The following EIF4E variants were observed in gnomAD, a reference collection of about 807,000 sequenced individuals.
The protein encoded by EIF4E is eIF-4F 25 kDa subunit.
For synonymous variants in EIF4E, 71 were observed against 88.5 expected (o/e 0.80, Z 1.11); for missense variants, 113 against 265.6 (o/e 0.43, Z 3.99).
At chr4:98,921,567 A>T (rs753464128) in intron 1 of EIF4E, among the ~76,000 whole-genome samples, 1 of 152,148 alleles carries the variant, frequency 6.6e-6, no homozygotes, top group South Asian at 2.1e-4. Flanking sequence ...TTACAATGAC[A>T]GTAATGAGCA....
chr4:98,906,360 T>C (rs1724874114), intron 1 of EIF4E, among the ~76,000 whole-genome samples: 1 of 152,256 alleles, frequency 6.6e-6, no homozygotes, highest in Non-Finnish European at 1.5e-5. Context: ...AAACTGGTTA[T>C]GGTTGACAGT....
At chr4:98,884,560 C>A (rs1296699551) in intron 6 of EIF4E, among the ~76,000 whole-genome samples, 1 of 151,884 alleles carries the variant, frequency 6.6e-6, no homozygotes, top group Non-Finnish European at 1.5e-5. Flanking sequence ...AAAAATTACC[C>A]AAGCATGGTG....
intron 1 of EIF4E, among the ~76,000 whole-genome samples, chr4:98,907,523 T>C (rs563336532): frequency 6.6e-6 from 1 of 152,332 alleles, no homozygotes; most frequent in African/African-American, 2.4e-5. Flanking sequence ...TTCCAAATAA[T>C]GCTGCAACTG....
In EIF4E at chr4:98,918,024, A is replaced by T. The variant is rs1725460740; in HGVS notation, c.18+11071T>A. Among the ~76,000 whole-genome samples the T allele has an allele frequency of 2.0e-5, 3 of 150,608 alleles. No individual in the cohort carries two copies. In the South Asian group the frequency reaches 6.3e-4, roughly 32 times the overall value. On this transcript the variant is annotated intron_variant, in intron 1 of 6. Coordinates refer to ENST00000450253, the MANE Select transcript of EIF4E (RefSeq NM_001968.5). ...GTGGGAGGCGGAGGTTGCAGTGAGCAGAGACTGCACTCCAGTCTGGGCAAC... is the reference window on the plus strand; with the variant it reads ...GTGGGAGGCGGAGGTTGCAGTGAGCTGAGACTGCACTCCAGTCTGGGCAAC...
chr4:98,914,999 A>C (rs1356428187), intron 1 of EIF4E, among the ~76,000 whole-genome samples: 1 of 152,232 alleles, frequency 6.6e-6, no homozygotes, highest in Non-Finnish European at 1.5e-5. Context: ...GCTGGAGTGC[A>C]GTGGCACAAT....
At chr4:98,898,481 A>C (rs1431033725) in intron 2 of EIF4E, among the ~76,000 whole-genome samples, 1 of 151,784 alleles carries the variant, frequency 6.6e-6, no homozygotes, top group East Asian at 1.9e-4. Context: ...GGTGGCACAC[A>C]CCTGTGGTTC....
chr4:98,886,370 T>A (rs1228624197), intron 5 of EIF4E: 1 of 342,482 alleles, frequency 2.9e-6, no homozygotes, highest in Non-Finnish European at 5.9e-6. Context: ...TCACAACATG[T>A]AGGTCAAATG....
intron 2 of EIF4E, chr4:98,895,701 A>C (rs1413277277): frequency 6.6e-6 from 1 of 152,254 alleles, no homozygotes; most frequent in Non-Finnish European, 1.5e-5. Flanking sequence ...GATTTTTAAA[A>C]ATAATTCAAT....
rs146032142 is a variant in EIF4E, at chr4:98,924,955, G to A, written c.18+4140C>T. Among the ~76,000 whole-genome samples the A allele has an allele frequency of 3.0e-4, 46 of 152,290 alleles. No individual in the cohort carries two copies. In the East Asian group the frequency reaches 5.4e-3, roughly 18 times the overall value. On this transcript the variant is annotated intron_variant, in intron 1 of 6. Transcript: ENST00000450253. Reference sequence around the variant, plus strand: ...ATATGAACCCCAGAGCCAAATTTACGTGGATTATCGAGGAACTCTGATATA... The same window carrying A: ...ATATGAACCCCAGAGCCAAATTTACATGGATTATCGAGGAACTCTGATATA...
chr4:98,881,206 T>C (rs1723679048), intron 6 of EIF4E, 64 bp from the exon 7 acceptor site: 2 of 1,560,238 alleles, frequency 1.3e-6, no homozygotes, highest in African/African-American at 2.7e-5. Context: ...AAGAAATACA[T>C]TTAAAAATTT....
At chr4:98,902,708 CTG>C (rs1724703297) in intron 1 of EIF4E, among the ~76,000 whole-genome samples, 1 of 152,102 alleles carries the variant, frequency 6.6e-6, no homozygotes, top group Non-Finnish European at 1.5e-5. Context: ...AGTATAACAA[CTG>C]TATCACTGGG....
At chr4:98,890,891 C>CCCAACAACGCACTGCAATACCCAGTT (rs1724117824) in intron 3 of EIF4E, 1 of 279,414 alleles carries the variant, frequency 3.6e-6, no homozygotes, top group Non-Finnish European at 6.8e-6. Flanking sequence ...GAAATGAGGA[C>CCCAACAACGCACTGCAATACCCAGTT]CCAACAACGC....
intron 1 of EIF4E, among the ~76,000 whole-genome samples, chr4:98,928,282 C>G (rs1021416738): frequency 2.0e-4 from 30 of 152,084 alleles, no homozygotes; most frequent in African/African-American, 7.0e-4. Flanking sequence ...GCTCCTCCCC[C>G]TTCCCTCCTC....
chr4:98,905,168 A>C (rs1189967405), intron 1 of EIF4E, among the ~76,000 whole-genome samples: 2 of 151,798 alleles, frequency 1.3e-5, no homozygotes, highest in African/African-American at 4.8e-5. Context: ...GTGTTCTCTC[A>C]ATGAGCAAAT....
chr4:98,896,667 CAAAAAAAAAAAAAA>C (rs61329973), intron 2 of EIF4E, among the ~76,000 whole-genome samples: 10 of 47,680 alleles, frequency 2.1e-4, no homozygotes, highest in South Asian at 2.1e-3. Context: ...ATGTCTCTTC[CAAAAAAAAAAAAAA>C]AAAAAAAAAA....
In EIF4E at chr4:98,887,619, G is replaced by C. The variant is rs146772655; in HGVS notation, c.285+270C>G. Reference sequence around the variant, plus strand: ...AGGTTAAGAATGCTTGATAAACTCAGTCTGCTCAAATATATAAAGGAAGGA... The same window carrying C: ...AGGTTAAGAATGCTTGATAAACTCACTCTGCTCAAATATATAAAGGAAGGA... On this transcript the variant is annotated intron_variant, in intron 4 of 6. Transcript: ENST00000450253. This position sits in a 1 kb window ranked among gnomAD's most constrained non-coding sequence, Gnocchi z 4.0. 2.8e-3 allele frequency among the ~76,000 whole-genome samples: 427 copies of C among 152,244 alleles called. 3 individuals carry two copies. Among genetic ancestry groups the C allele is most frequent in the African/African-American group, 9.2e-3 (383 of 41,530 alleles).
At chr4:98,902,498 C>A (rs1040652544) in intron 1 of EIF4E, among the ~76,000 whole-genome samples, 2 of 152,148 alleles carry the variant, frequency 1.3e-5, no homozygotes, top group African/African-American at 4.8e-5. Context: ...AACGGTTTCT[C>A]AAATTTGAAA....
intron 1 of EIF4E, among the ~76,000 whole-genome samples, chr4:98,917,124 ACACACACAC>A (rs1560652624): frequency 3.3e-4 from 18 of 54,280 alleles, no homozygotes; most frequent in South Asian, 4.3e-4. Context: ...ACACACACAC[ACACACACAC>A]AAAAAAAACC....
intron 1 of EIF4E, among the ~76,000 whole-genome samples, chr4:98,917,987 G>A (rs1725458770): frequency 1.3e-5 from 2 of 152,208 alleles, no homozygotes; most frequent in South Asian, 4.2e-4. Context: ...GAGGCAGGAT[G>A]ATCGCTTGAA....
Sources: allele counts gnomAD v4.1 joint callset (sites outside exome capture counted in the v4.1 genomes callset), GRCh38; gene constraint gnomAD v4.1.1; non-coding constraint Gnocchi (gnomAD v3.1); transcripts MANE v1.5; gene names NCBI Gene and HGNC (gene_info 2026-07-23, HGNC 2026-07-21).